The following NPC2 variants were observed in gnomAD, a reference collection of about 807,000 sequenced individuals.
NPC2 encodes the protein Niemann-Pick disease type C2 protein.
Under a neutral mutation model 17.0 loss-of-function variants are expected in NPC2, and 14 were observed. That is an observed-to-expected ratio of 0.82 (90% confidence interval 0.54 to 1.29). The LOEUF is 1.29. Ranked by LOEUF, NPC2 falls within the 50% of genes most tolerant of loss-of-function variation. The pLI is 0.00. For missense variants in NPC2, 167 were observed against 183.4 expected (o/e 0.91, Z 0.52); for synonymous variants, 75 against 69.3 (o/e 1.08, Z -0.41).
intron 1 of NPC2, among the ~76,000 whole-genome samples, chr14:74,492,623 G>A (rs1267800857): frequency 6.6e-6 from 1 of 152,180 alleles, no homozygotes; most frequent in Non-Finnish European, 1.5e-5. Flanking sequence ...AACCACAGCG[G>A]CGAGAGGGAG....
intron 3 of NPC2, chr14:74,483,143 C>A: frequency 2.3e-6 from 2 of 877,390 alleles, no homozygotes; most frequent in South Asian, 1.4e-5. Flanking sequence ...CTAGATACTG[C>A]AGGCACAGGG....
At chr14:74,480,865 A>G (rs777789263) in intron 3 of NPC2, 86 bp from the exon 4 acceptor site, 24 of 1,086,644 alleles carry the variant, frequency 2.2e-5, no homozygotes, top group Non-Finnish European at 3.1e-5. Context: ...TCCTAGATGT[A>G]CAGTAGCAAA....
intron 3 of NPC2, chr14:74,483,119 G>A (rs2086672134): frequency 1.0e-6 from 1 of 954,976 alleles, no homozygotes; most frequent in Non-Finnish European, 1.7e-6. Context: ...TGCCAACAGT[G>A]TATGCTTAAA....
At chr14:74,483,036 T>C in intron 3 of NPC2, 1 of 1,272,716 alleles carries the variant, frequency 7.9e-7, no homozygotes, top group Non-Finnish European at 1.1e-6. Context: ...TGGTTCAGTT[T>C]GTTCAGGGAA....
intron 3 of NPC2, chr14:74,483,568 G>A (rs879285213): frequency 9.6e-6 from 13 of 1,355,974 alleles, no homozygotes; most frequent in Admixed American, 8.2e-5. Context: ...TTGCCTAATT[G>A]GAAAGTGCCA....
rs757792082 is a variant in NPC2, at chr14:74,493,147, G to T, written c.82+46C>A. On this transcript the variant is annotated intron_variant, in intron 1 of 4. Transcript: ENST00000555619. The surrounding 1 kb of genome is among the most constrained non-coding windows in gnomAD (Gnocchi z 4.1). ...GGTCTCAGCGCGGGGGTCCGGCGGG[G>T]CCTTCCACAGAGGGCGCGGGAACCT... 1 of 1,575,056 alleles carries T rather than the reference G, an allele frequency of 6.3e-7. No individual in the cohort carries two copies. The highest frequency in any genetic ancestry group is 1.9e-5 in the Admixed American group (1 of 53,484).
At chr14:74,487,584 C>T (rs17100585) in intron 1 of NPC2, among the ~76,000 whole-genome samples, 2,254 of 152,220 alleles carry the variant, frequency 0.015, 46 homozygotes, top group African/African-American at 0.052. Flanking sequence ...GCACTTTATG[C>T]GGAAACAGCT....
chr14:74,492,431 C>T (rs2086786011), intron 1 of NPC2, among the ~76,000 whole-genome samples: 1 of 152,226 alleles, frequency 6.6e-6, no homozygotes, highest in African/African-American at 2.4e-5. Context: ...GATCTCCGTG[C>T]TTCCTTTCCA....
intron 1 of NPC2, among the ~76,000 whole-genome samples, chr14:74,490,280 TTAAC>T (rs1178949463): frequency 6.6e-6 from 1 of 152,316 alleles, no homozygotes; most frequent in African/African-American, 2.4e-5. Flanking sequence ...AACAGTCTCT[TTAAC>T]TATCATCACA....
intron 3 of NPC2, 68 bp downstream of exon 3, chr14:74,484,347 G>T: frequency 6.5e-7 from 1 of 1,536,736 alleles, no homozygotes; most frequent in Non-Finnish European, 9.0e-7. Flanking sequence ...TCTGCTTCTT[G>T]CCCACTGCCC....
At chr14:74,493,503 C>A, upstream of NPC2, 1 of 959,846 alleles carries the variant, frequency 1.0e-6, no homozygotes, top group Non-Finnish European at 1.5e-6. The surrounding 1 kb of genome is among the most constrained non-coding windows in gnomAD (Gnocchi z 4.1). Flanking sequence ...AGGCCTGACC[C>A]GCCCGGACCC....
At chr14:74,480,867 A>G (rs2139664623) in intron 3 of NPC2, 88 bp from the exon 4 acceptor site, 2 of 1,093,394 alleles carry the variant, frequency 1.8e-6, no homozygotes, top group Middle Eastern at 4.5e-4. Flanking sequence ...CTAGATGTAC[A>G]GTAGCAAACT....
At chr14:74,486,572 G>A (rs904292765) in intron 1 of NPC2, 136 bp from the exon 2 acceptor site, 46 of 719,426 alleles carry the variant, frequency 6.4e-5, no homozygotes, top group Non-Finnish European at 1.1e-4. Context: ...TTCCCAGGAT[G>A]GAATCTTTAA....
At chr14:74,489,620 T>C (rs1208381356) in intron 1 of NPC2, among the ~76,000 whole-genome samples, 1 of 152,184 alleles carries the variant, frequency 6.6e-6, no homozygotes, top group African/African-American at 2.4e-5. Context: ...ATACAATAAA[T>C]GCTTGACCAA....
rs61395005 is a variant in NPC2 at position 74,485,294 on chromosome 14, C to CAAAAAAA, written c.191-714_191-708dup. ...TGGGTGACAGAGCGAGACTCTGTCACAAAAAAAAAAAAAAAAAAAAAAAAA... is the reference window on the plus strand; with the variant it reads ...TGGGTGACAGAGCGAGACTCTGTCACAAAAAAAAAAAAAAAAAAAAAAAAAAAAAAAA... On this transcript the variant is annotated intron_variant, in intron 2 of 4. Transcript: ENST00000555619. Among the ~76,000 whole-genome samples, 221 of 71,332 alleles carry CAAAAAAA rather than the reference C, an allele frequency of 3.1e-3. 6 individuals are homozygous for CAAAAAAA. Among genetic ancestry groups the CAAAAAAA allele is most frequent in the African/African-American group, 7.3e-3 (94 of 12,906 alleles). 46.8% of individuals were successfully genotyped at this position (71,332 alleles called of 152,430 possible).
intron 2 of NPC2, among the ~76,000 whole-genome samples, chr14:74,485,973 A>G (rs528674822): frequency 1.3e-5 from 2 of 152,312 alleles, no homozygotes; most frequent in East Asian, 3.9e-4. Flanking sequence ...GGAGTTCCAA[A>G]GCTTAAAGAA....
chr14:74,487,443 G>A (rs963097743), intron 1 of NPC2, among the ~76,000 whole-genome samples: 3 of 150,780 alleles, frequency 2.0e-5, no homozygotes, highest in African/African-American at 7.3e-5. Flanking sequence ...TAATTTTTGT[G>A]TTTTGTAGAG....
chr14:74,486,694 T>C (rs1433005263), intron 1 of NPC2, among the ~76,000 whole-genome samples: 1 of 152,208 alleles, frequency 6.6e-6, no homozygotes, highest in Non-Finnish European at 1.5e-5. Flanking sequence ...AGAAAGTTAA[T>C]ATTTGTCAAA....
Position 74,480,108 on chromosome 14 carries a change from G to T in NPC2, c.*166C>A. On this transcript the variant is annotated 3_prime_UTR_variant, in exon 5 of 5. Transcript: ENST00000555619. ...AAAAGAGACATGAGACAACCACTGA[G>T]AACCAGCCACCCGGAGCTCAGTTTC... The T allele has an allele frequency of 6.4e-7, 1 of 1,551,886 alleles. No homozygotes were observed. Among genetic ancestry groups the T allele is most frequent in the East Asian group, 2.4e-5 (1 of 41,388 alleles).
Sources: allele counts gnomAD v4.1 joint callset (sites outside exome capture counted in the v4.1 genomes callset), GRCh38; gene constraint gnomAD v4.1.1; non-coding constraint Gnocchi (gnomAD v3.1); transcripts MANE v1.5; gene names NCBI Gene and HGNC (gene_info 2026-07-23, HGNC 2026-07-21).